The following MFAP3L variants were observed in gnomAD, a reference collection of about 807,000 sequenced individuals.
MFAP3L encodes microfibril associated protein 3 like, also known as microfibrillar-associated protein 3-like.
MFAP3L carries 5 observed loss-of-function variants against 20.0 expected under a neutral mutation model. The observed-to-expected ratio is 0.25, with a 90% CI of 0.13 to 0.53. The LOEUF is 0.53. MFAP3L is among the 20% of genes least tolerant of loss of function. The pLI is 0.96. For synonymous variants in MFAP3L, 219 were observed against 213.0 expected (o/e 1.03, Z -0.25); for missense variants, 409 against 527.5 (o/e 0.78, Z 2.20).
chr4:170,026,113 C>T, intron 1 of MFAP3L, 121 bp downstream of exon 1: 1 of 505,176 alleles, frequency 2.0e-6, no homozygotes, highest in Non-Finnish European at 2.6e-6. Context: ...CCGCCGCAGT[C>T]TCAGCCAGCC....
chr4:170,015,289 C>T (rs1304862763), intron 1 of MFAP3L, among the ~76,000 whole-genome samples: 3 of 152,206 alleles, frequency 2.0e-5, no homozygotes, highest in African/African-American at 7.2e-5. Context: ...CTCTTAGGTC[C>T]TTTCCAAATC....
At chr4:170,022,133 G>A (rs949295176) in intron 1 of MFAP3L, among the ~76,000 whole-genome samples, 17 of 152,208 alleles carry the variant, frequency 1.1e-4, no homozygotes, top group Admixed American at 6.5e-4. Context: ...TGCCTCTTCT[G>A]CTTTATGATG....
chr4:170,007,607 C>T (rs1739126918), intron 1 of MFAP3L, among the ~76,000 whole-genome samples: 1 of 152,190 alleles, frequency 6.6e-6, no homozygotes, highest in Admixed American at 6.5e-5. Flanking sequence ...GATGCTTCTC[C>T]AATCTATTTT....
rs191310755 is a variant in MFAP3L, at chr4:169,986,835, G to A, written c.*4543C>T. The A allele has an allele frequency of 5.0e-4, 76 of 152,246 alleles. No homozygotes were observed. The highest frequency in any genetic ancestry group is 1.8e-3 in the African/African-American group (73 of 41,550). The allele number at this position is 152,246 out of a possible 1,614,324, so 9.4% of individuals were successfully genotyped here. A position where few individuals can be genotyped will look rare whatever the true frequency, so the allele number is the denominator to read the frequency against. On this transcript the variant is annotated 3_prime_UTR_variant, in exon 3 of 3. Transcript: ENST00000361618. ...CCAGAACTACTGAAATACAACAAAC[G>A]AAATCTAAGTGCAAGCATCTTCCTT...
chr4:169,991,564 C>A lies in MFAP3L; in HGVS notation c.1044G>T (p.Leu348=), dbSNP rs145268478. 41 of 1,614,058 alleles carry A rather than the reference C, an allele frequency of 2.5e-5. No homozygotes were observed. Among genetic ancestry groups the A allele is most frequent in the Non-Finnish European group, 3.4e-5 (40 of 1,180,040 alleles). The part of the protein sequence containing the change: ...FEVKDVEETE[L]SAEHSPETAE... ...CAGTTTCGGGGGAATGTTCCGCCGACAGTTCTGTCTCCTCTACATCTTTGA... is the reference window on the plus strand; with the variant it reads ...CAGTTTCGGGGGAATGTTCCGCCGAAAGTTCTGTCTCCTCTACATCTTTGA... Residue 348 remains leucine, a synonymous_variant, in exon 3 of 3, where the codon CTG becomes CTT. Coordinates refer to ENST00000361618, the MANE Select transcript of MFAP3L (RefSeq NM_021647.8). The surrounding 1 kb of genome is among the most constrained non-coding windows in gnomAD (Gnocchi z 4.9).
At chr4:169,999,407 G>T (rs1367863226) in intron 2 of MFAP3L, among the ~76,000 whole-genome samples, 1 of 152,066 alleles carries the variant, frequency 6.6e-6, no homozygotes, top group Non-Finnish European at 1.5e-5. Context: ...TTTATTTCCT[G>T]GAAAAGGAAA....
In MFAP3L at chr4:169,992,808, C is replaced by A. The variant is rs1737826345; in HGVS notation, c.299-499G>T. 6.6e-6 allele frequency among the ~76,000 whole-genome samples: 1 copy of A among 152,164 alleles called. No homozygotes were observed. The highest frequency in any genetic ancestry group is 2.1e-4 in the South Asian group (1 of 4,820). ...TATATGTTCACTGGGGAGGTTAATG[C>A]AATTAAATTGTTTACCTGAGTTTCT... On this transcript the variant is annotated intron_variant, in intron 2 of 2. Transcript: ENST00000361618. This position sits in a 1 kb window ranked among gnomAD's most constrained non-coding sequence, Gnocchi z 4.3.
chr4:169,997,163 T>C (rs1259920389), intron 2 of MFAP3L, among the ~76,000 whole-genome samples: 2 of 152,136 alleles, frequency 1.3e-5, no homozygotes, highest in African/African-American at 2.4e-5. Flanking sequence ...TCCTACTTTA[T>C]GTGATACATA....
At chr4:169,997,904 G>A (rs76790661) in intron 2 of MFAP3L, 1 of 764,494 alleles carries the variant, frequency 1.3e-6, no homozygotes, top group African/African-American at 1.9e-5. Flanking sequence ...AGGATGATTT[G>A]ATCACAACTT....
In MFAP3L at chr4:170,011,978, G is replaced by A. The variant is rs1739410028; in HGVS notation, c.-133-5968C>T. 2.0e-5 allele frequency among the ~76,000 whole-genome samples: 3 copies of A among 152,218 alleles called. No homozygotes were observed. The South Asian group carries it at 6.2e-4, about 32-fold the overall frequency. ...AATTAGGCACTGATGGCCAGGTGGTGTGTGCAAGAACAGAGGAGGGGGAAG... is the reference window on the plus strand; with the variant it reads ...AATTAGGCACTGATGGCCAGGTGGTATGTGCAAGAACAGAGGAGGGGGAAG... On this transcript the variant is annotated intron_variant, in intron 1 of 2. Transcript: ENST00000361618.
intron 1 of MFAP3L, among the ~76,000 whole-genome samples, chr4:170,011,816 T>C (rs770094778): frequency 6.6e-6 from 1 of 152,136 alleles, no homozygotes; most frequent in Non-Finnish European, 1.5e-5. Flanking sequence ...GTATTAATAG[T>C]TTGGATGAGC....
At chr4:170,025,038 A>T (rs1740263698) in intron 1 of MFAP3L, among the ~76,000 whole-genome samples, 1 of 152,262 alleles carries the variant, frequency 6.6e-6, no homozygotes, top group Non-Finnish European at 1.5e-5. Flanking sequence ...TTCCCACTAG[A>T]ACAGGATTGT....
At chr4:170,020,199 A>T (rs966609512) in intron 1 of MFAP3L, among the ~76,000 whole-genome samples, 1 of 152,100 alleles carries the variant, frequency 6.6e-6, no homozygotes, top group African/African-American at 2.4e-5. Flanking sequence ...CTCAGACCCC[A>T]CTATCCTCGA....
rs1258461034 is a variant in MFAP3L, at chr4:169,990,528, G to T, written c.*850C>A. 1 of 152,618 alleles carries T rather than the reference G, an allele frequency of 6.6e-6. No individual in the cohort carries two copies. Among genetic ancestry groups the T allele is most frequent in the Non-Finnish European group, 1.5e-5 (1 of 68,042 alleles). The allele number at this position is 152,618 out of a possible 1,614,324, so 9.5% of individuals were successfully genotyped here. On this transcript the variant is annotated 3_prime_UTR_variant, in exon 3 of 3. Transcript: ENST00000361618. ...AACTTAAACAGTGACTTTCATGGGT[G>T]GTGTGGGTATATTTAACCTTTTACA...
chr4:169,991,788 T>C lies in MFAP3L; in HGVS notation c.820A>G (p.Thr274Ala), dbSNP rs1380611275. Reference sequence around the variant, plus strand: ...TCTGCGGCCTCCTGGCCCTCTGGAGTATGCCTCACAAAATTCTGCCCCTGC... The same window carrying C: ...TCTGCGGCCTCCTGGCCCTCTGGAGCATGCCTCACAAAATTCTGCCCCTGC... ...EEQGQNFVRH[T>A]PEGQEAADRD... Residue 274 changes from threonine to alanine, a missense_variant, in exon 3 of 3, where the codon ACT becomes GCT. Physicochemically the swap from Thr to Ala is moderately conservative, Grantham distance 58 (BLOSUM62 0). This residue lies in a region of MFAP3L where 169 missense variants were observed against 178.2 expected (regional missense o/e 0.95). Transcript: ENST00000361618. The surrounding 1 kb of genome is among the most constrained non-coding windows in gnomAD (Gnocchi z 4.9). The C allele has an allele frequency of 3.1e-6, 5 of 1,614,000 alleles. No homozygotes were observed. Among genetic ancestry groups the C allele is most frequent in the Non-Finnish European group, 4.2e-6 (5 of 1,180,000 alleles).
chr4:169,987,077 A>G lies in MFAP3L; in HGVS notation c.*4301T>C, dbSNP rs1235695192. The G allele has an allele frequency of 6.6e-6, 1 of 152,194 alleles. No individual in the cohort carries two copies. The highest frequency in any genetic ancestry group is 1.9e-4 in the East Asian group (1 of 5,198). The allele number at this position is 152,194 out of a possible 1,614,324, so 9.4% of individuals were successfully genotyped here. ...TGTTAAAGATCATTATCATCCTCAT[A>G]TGATATCTTCGTGAATAAAAGATAA... On this transcript the variant is annotated 3_prime_UTR_variant, in exon 3 of 3. Transcript: ENST00000361618.
intron 1 of MFAP3L, among the ~76,000 whole-genome samples, chr4:170,013,252 A>C (rs1739494904): frequency 6.6e-6 from 1 of 152,160 alleles, no homozygotes; most frequent in Admixed American, 6.5e-5. Flanking sequence ...TCTAATATGG[A>C]GATGAGATAC....
intron 1 of MFAP3L, among the ~76,000 whole-genome samples, chr4:170,018,423 T>C (rs957588473): frequency 4.3e-4 from 65 of 152,286 alleles, no homozygotes; most frequent in East Asian, 1.9e-3. Context: ...TGGGGCATCT[T>C]AGGAGAAATG....
intron 1 of MFAP3L, among the ~76,000 whole-genome samples, chr4:170,008,097 G>C (rs1404529230): frequency 1.3e-5 from 2 of 152,116 alleles, no homozygotes; most frequent in Admixed American, 6.5e-5. Flanking sequence ...AATGTCAGTA[G>C]GTGCTTTGGG....
Sources: gnomAD v4.1 joint callset for allele counts (sites outside exome capture counted in the v4.1 genomes callset) on GRCh38, gnomAD v4.1.1 for gene constraint, gnomAD v4.1.1 regional missense constraint, Gnocchi (gnomAD v3.1) non-coding constraint, MANE v1.5 for transcripts, NCBI Gene and HGNC (gene_info 2026-07-23, HGNC 2026-07-21) for gene names.